The following APBB2 variants were observed in gnomAD, a reference collection of about 807,000 sequenced individuals.
The protein encoded by APBB2 is Fe65-like 1.
Under a neutral mutation model 82.5 loss-of-function variants are expected in APBB2, and 38 were observed. That is an observed-to-expected ratio of 0.46 (90% CI 0.36 to 0.60). The LOEUF (loss-of-function observed/expected upper bound fraction) is 0.60, where lower values mean the gene tolerates loss of function less well. Among genes scored for constraint, APBB2 ranks in the 20% least tolerant of loss-of-function variants. APBB2 has a pLI of 0.00. For missense variants in APBB2, 772 were observed against 972.3 expected (o/e 0.79, Z 2.74); for synonymous variants, 341 against 368.2 (o/e 0.93, Z 0.85).
chr4:41,117,663 A>G (rs955763923), intron 2 of APBB2, among the ~76,000 whole-genome samples: 1 of 152,102 alleles, frequency 6.6e-6, no homozygotes, highest in Non-Finnish European at 1.5e-5. Context: ...CCCAAGTCAT[A>G]GGATTGGTGG....
At chr4:40,889,351 G>C (rs1302219763) in intron 12 of APBB2, among the ~76,000 whole-genome samples, 1 of 152,222 alleles carries the variant, frequency 6.6e-6, no homozygotes, top group East Asian at 1.9e-4. Flanking sequence ...GGTTGACAAA[G>C]GCTGTGATAA....
chr4:41,140,070 A>G (rs1025127488), intron 2 of APBB2, among the ~76,000 whole-genome samples: 1 of 152,222 alleles, frequency 6.6e-6, no homozygotes, highest in African/African-American at 2.4e-5. Flanking sequence ...TATAATATTA[A>G]TGAAAACTCT....
intron 10 of APBB2, among the ~76,000 whole-genome samples, chr4:40,925,701 T>C (rs369824984): frequency 6.6e-6 from 1 of 150,962 alleles, no homozygotes; most frequent in African/African-American, 2.5e-5. Flanking sequence ...TGCTAAGTAA[T>C]GACAATGAAT....
At chr4:41,162,944 A>T (rs577689420) in intron 1 of APBB2, among the ~76,000 whole-genome samples, 1 of 152,366 alleles carries the variant, frequency 6.6e-6, no homozygotes, top group African/African-American at 2.4e-5. Context: ...GTGGAATAAC[A>T]AGGTGAATAA....
intron 6 of APBB2, among the ~76,000 whole-genome samples, chr4:40,998,393 TAA>T (rs762368531): frequency 7.1e-6 from 1 of 140,050 alleles, no homozygotes; most frequent in Non-Finnish European, 1.5e-5. Context: ...GATTTTAATA[TAA>T]GAGTGCAAAC....
At chr4:40,915,916 C>T (rs890571649) in intron 10 of APBB2, among the ~76,000 whole-genome samples, 1 of 152,148 alleles carries the variant, frequency 6.6e-6, no homozygotes, top group Non-Finnish European at 1.5e-5. Context: ...GAAGGAAGCT[C>T]TGCCTTGAGG....
chr4:41,150,095 T>C (rs1272765480), intron 1 of APBB2, among the ~76,000 whole-genome samples: 5 of 152,210 alleles, frequency 3.3e-5, no homozygotes, highest in African/African-American at 1.2e-4. Flanking sequence ...TTTTCAACTG[T>C]TCCCAGATGA....
In APBB2 at chr4:40,985,638, C is replaced by CA. The variant is rs1800233249; in HGVS notation, c.835+27944dup. Among the ~76,000 whole-genome samples the CA allele has an allele frequency of 2.0e-5, 3 of 152,218 alleles. No homozygotes were observed. In the South Asian group the frequency reaches 6.2e-4, roughly 32 times the overall value. ...CCACAAACTGTAATAAAGGGGAAAA[C>CA]AAAAACCAGGTCCATTTCAGTCATT... On this transcript the variant is annotated intron_variant, in intron 6 of 17. Coordinates refer to ENST00000508593, the MANE Select transcript of APBB2 (RefSeq NM_004307.2).
intron 1 of APBB2, among the ~76,000 whole-genome samples, chr4:41,196,020 T>C: frequency 3.5e-5 from 5 of 142,098 alleles, no homozygotes; most frequent in Non-Finnish European, 6.0e-5. Context: ...ATTAGCTGGG[T>C]GTGGTGGCGG....
At chr4:40,886,912 A>G (rs1770471224) in intron 12 of APBB2, among the ~76,000 whole-genome samples, 1 of 152,240 alleles carries the variant, frequency 6.6e-6, no homozygotes, top group Non-Finnish European at 1.5e-5. Flanking sequence ...CACTGATCAA[A>G]GGGAACAAAA....
At position 40,816,001 on chromosome 4, in the gene APBB2, A is replaced by C; in HGVS notation, c.*91T>G. On this transcript the variant is annotated 3_prime_UTR_variant, in exon 18 of 18. Transcript: ENST00000508593. ...AATTCTCTGAAGACAAAGCATCAGC[A>C]ACTGGATGGAAGGTCGGATGGCGGA... 1 of 1,434,666 alleles carries C rather than the reference A, an allele frequency of 7.0e-7. No individual in the cohort carries two copies. The allele number at this position is 1,434,666 out of a possible 1,614,324, so 88.9% of individuals were successfully genotyped here.
At chr4:41,092,687 T>C (rs1030641696) in intron 3 of APBB2, among the ~76,000 whole-genome samples, 14 of 109,468 alleles carry the variant, frequency 1.3e-4, no homozygotes, top group Non-Finnish European at 1.9e-4. Flanking sequence ...AGACTCCGTC[T>C]CAAAAAAAAA....
At chr4:40,820,341 G>C (rs1360974715) in intron 17 of APBB2, among the ~76,000 whole-genome samples, 5 of 152,174 alleles carry the variant, frequency 3.3e-5, no homozygotes, top group African/African-American at 1.2e-4. Context: ...CTACTTGGTT[G>C]TCTTCTTTTT....
At chr4:40,870,783 A>C (rs987189745) in intron 12 of APBB2, among the ~76,000 whole-genome samples, 2 of 141,342 alleles carry the variant, frequency 1.4e-5, no homozygotes, top group African/African-American at 5.4e-5. Context: ...CCCATGCTGG[A>C]GTGCAGTGGC....
intron 12 of APBB2, among the ~76,000 whole-genome samples, chr4:40,881,766 T>C (rs954716166): frequency 2.0e-5 from 3 of 152,042 alleles, no homozygotes; most frequent in Non-Finnish European, 2.9e-5. Context: ...ACTCCTGGCC[T>C]CAAGTGATCC....
intron 2 of APBB2, among the ~76,000 whole-genome samples, chr4:41,133,073 AATTATAC>A (rs1378080108): frequency 6.6e-6 from 1 of 152,216 alleles, no homozygotes; most frequent in African/African-American, 2.4e-5. Context: ...TTTTTAAAAA[AATTATAC>A]AAAAGGGAAT....
At chr4:40,893,467 A>G (rs1560816033) in intron 10 of APBB2, 56 bp from the exon 11 acceptor site, 1 of 1,505,284 alleles carries the variant, frequency 6.6e-7, no homozygotes, top group Non-Finnish European at 8.9e-7. Context: ...CAATCATATC[A>G]GTTTACACTA....
rs573939740 is a variant in APBB2 at position 40,868,802 on chromosome 4, C to T, written c.1529+21562G>A. ...GATTGGACCAAATTGGTCCTTTTAA[C>T]CACCAAAGAGCCATTTTATTATTTT... On this transcript the variant is annotated intron_variant, in intron 12 of 17. Transcript: ENST00000508593. Among the ~76,000 whole-genome samples the T allele has an allele frequency of 1.2e-4, 18 of 152,224 alleles. No individual in the cohort carries two copies. In the South Asian group the frequency reaches 3.7e-3, roughly 32 times the overall value.
intron 10 of APBB2, among the ~76,000 whole-genome samples, chr4:40,921,436 C>T (rs1200830541): frequency 6.6e-6 from 1 of 152,212 alleles, no homozygotes; most frequent in Non-Finnish European, 1.5e-5. Flanking sequence ...CAGATGCATG[C>T]AGAGCGACCA....
Sources: allele counts gnomAD v4.1 joint callset (sites outside exome capture counted in the v4.1 genomes callset), GRCh38; gene constraint gnomAD v4.1.1; transcripts MANE v1.5; gene names NCBI Gene and HGNC (gene_info 2026-07-23, HGNC 2026-07-21).